Variants in ZDHHC21 observed in about 807,000 individuals in gnomAD.
ZDHHC21 encodes the protein zDHHC palmitoyltransferase 21.
Under a neutral mutation model 34.6 loss-of-function variants are expected in ZDHHC21, and 15 were observed. That is an observed-to-expected ratio of 0.43 (90% CI 0.29 to 0.67). The LOEUF (loss-of-function observed/expected upper bound fraction) is 0.67, where lower values mean the gene tolerates loss of function less well. ZDHHC21 is among the 30% of genes least tolerant of loss of function. The probability of loss-of-function intolerance (pLI) is 0.14; values close to 1 mark genes in which losing one functional copy is unlikely to be tolerated. For synonymous variants in ZDHHC21, 142 were observed against 101.8 expected, an observed-to-expected ratio of 1.40 and a Z score of -2.38; for missense variants, 344 against 327.7, an observed-to-expected ratio of 1.05 and a Z score of -0.38.
At chr9:14,685,340 C>G (rs1838133546) in intron 2 of ZDHHC21, among the ~76,000 whole-genome samples, 1 of 151,668 alleles carries the variant, frequency 6.6e-6, no homozygotes, top group African/African-American at 2.4e-5. Context: ...CTACAAAGAA[C>G]TCAAACAAAT....
the ZDHHC21 span, among the ~76,000 whole-genome samples, chr9:14,604,475 T>C: frequency 6.6e-6 from 1 of 152,100 alleles, no homozygotes; most frequent in East Asian, 1.9e-4. Context: ...CACAAAAACA[T>C]TCATGAAAAT....
the ZDHHC21 span, among the ~76,000 whole-genome samples, chr9:14,602,213 T>A: frequency 6.6e-6 from 1 of 151,418 alleles, no homozygotes; most frequent in Non-Finnish European, 1.5e-5. Context: ...AATAAAAAAA[T>A]TCAATAGAGA....
chr9:14,656,444 TTGAGA>T (rs1048543332), intron 7 of ZDHHC21, among the ~76,000 whole-genome samples: 5 of 151,916 alleles, frequency 3.3e-5, no homozygotes, highest in African/African-American at 1.2e-4. Flanking sequence ...ACTTCATTCA[TTGAGA>T]TAACATATAA....
chr9:14,670,016 TAAAC>T (rs932359490), intron 5 of ZDHHC21, among the ~76,000 whole-genome samples: 24 of 148,118 alleles, frequency 1.6e-4, no homozygotes, highest in South Asian at 8.5e-4. Context: ...AAAAAACAAA[TAAAC>T]AAAAAAAAAC....
chr9:14,663,274 C>A (rs534953202), intron 5 of ZDHHC21, among the ~76,000 whole-genome samples: 65 of 152,180 alleles, frequency 4.3e-4, no homozygotes, highest in Admixed American at 3.9e-3. Context: ...TATACTATCC[C>A]ATAACCTCAT....
intron 6 of ZDHHC21, among the ~76,000 whole-genome samples, chr9:14,661,831 G>C (rs1170196435): frequency 1.3e-5 from 2 of 152,130 alleles, no homozygotes; most frequent in African/African-American, 4.8e-5. Context: ...CAAATGAAAA[G>C]GGGATATAAA....
At chr9:14,600,986 T>C in the ZDHHC21 span, among the ~76,000 whole-genome samples, 1 of 152,240 alleles carries the variant, frequency 6.6e-6, no homozygotes, top group South Asian at 2.1e-4. Context: ...TTACACCTTA[T>C]ACAAAAAATT....
chr9:14,633,057 T>C (rs1043438946), intron 8 of ZDHHC21, among the ~76,000 whole-genome samples: 2 of 152,214 alleles, frequency 1.3e-5, no homozygotes, highest in African/African-American at 4.8e-5. Flanking sequence ...ATTCCACTTC[T>C]ATATACCCCA....
At chr9:14,591,271 G>A in the ZDHHC21 span, among the ~76,000 whole-genome samples, 1 of 152,018 alleles carries the variant, frequency 6.6e-6, no homozygotes, top group Non-Finnish European at 1.5e-5. Flanking sequence ...ATGGTATTAA[G>A]AGGCGTGACC....
At chr9:14,619,307 C>T (rs981324322) in intron 9 of ZDHHC21, among the ~76,000 whole-genome samples, 2 of 152,086 alleles carry the variant, frequency 1.3e-5, no homozygotes, top group African/African-American at 2.4e-5. Flanking sequence ...ATCAACCGAG[C>T]GCAACTTTTG....
chr9:14,686,200 T>A (rs1838299147), intron 2 of ZDHHC21, among the ~76,000 whole-genome samples: 1 of 151,176 alleles, frequency 6.6e-6, no homozygotes, highest in Non-Finnish European at 1.5e-5. Context: ...ACTTAAAGTA[T>A]AATTTAAAAA....
At chr9:14,602,617 A>T in the ZDHHC21 span, among the ~76,000 whole-genome samples, 1 of 152,174 alleles carries the variant, frequency 6.6e-6, no homozygotes, top group Non-Finnish European at 1.5e-5. Context: ...ACATATAAGG[A>T]AATCCCCATC....
intron 5 of ZDHHC21, among the ~76,000 whole-genome samples, chr9:14,664,453 G>C: frequency 6.6e-6 from 1 of 151,456 alleles, no homozygotes; most frequent in East Asian, 2.0e-4. Flanking sequence ...CCATTGCCCA[G>C]GCTTGCTTAG....
chr9:14,681,610 T>G (rs545054560), intron 2 of ZDHHC21, among the ~76,000 whole-genome samples: 2 of 152,118 alleles, frequency 1.3e-5, no homozygotes, highest in African/African-American at 2.4e-5. Flanking sequence ...TGAATTTTGG[T>G]GGACTGATAA....
chr9:14,601,273 C>A, the ZDHHC21 span, among the ~76,000 whole-genome samples: 1 of 152,050 alleles, frequency 6.6e-6, no homozygotes, highest in Non-Finnish European at 1.5e-5. Flanking sequence ...CTAATATCCA[C>A]AATGTACAAG....
At chr9:14,621,547 C>A (rs1388776259) in intron 8 of ZDHHC21, among the ~76,000 whole-genome samples, 1 of 152,058 alleles carries the variant, frequency 6.6e-6, no homozygotes, top group Non-Finnish European at 1.5e-5. Flanking sequence ...CAATGTGATG[C>A]TTACCATTAC....
intron 6 of ZDHHC21, among the ~76,000 whole-genome samples, chr9:14,661,287 T>A (rs890975365): frequency 2.0e-5 from 3 of 152,038 alleles, no homozygotes; most frequent in African/African-American, 7.2e-5. Flanking sequence ...CAAAATAAGT[T>A]ATCAAAAATA....
At chr9:14,659,939 C>T (rs774954856) in intron 6 of ZDHHC21, among the ~76,000 whole-genome samples, 22 of 152,144 alleles carry the variant, frequency 1.4e-4, no homozygotes, top group Non-Finnish European at 3.1e-4. Context: ...ATCATTGTTC[C>T]ATCTTTCCTG....
intron 8 of ZDHHC21, among the ~76,000 whole-genome samples, chr9:14,637,787 G>C (rs890723093): frequency 1.3e-5 from 2 of 151,820 alleles, no homozygotes; most frequent in African/African-American, 4.8e-5. Context: ...ATTTACAATA[G>C]CTCCAACAAC....
Sources: gnomAD v4.1 joint callset for allele counts (sites outside exome capture counted in the v4.1 genomes callset) on GRCh38, gnomAD v4.1.1 for gene constraint, MANE v1.5 for transcripts, NCBI Gene and HGNC (gene_info 2026-07-23, HGNC 2026-07-21) for gene names.